The following IKBKB variants were observed in gnomAD, a reference collection of about 807,000 sequenced individuals.
The protein encoded by IKBKB is inhibitor of nuclear factor kappa-B kinase subunit beta.
Under a neutral mutation model 113.6 loss-of-function variants are expected in IKBKB, and 42 were observed. That is an observed-to-expected ratio of 0.37 (90% CI 0.29 to 0.48). The LOEUF is 0.48. IKBKB is among the 20% of genes least tolerant of loss of function. The pLI is 0.99. For synonymous variants in IKBKB, 296 were observed against 361.3 expected (o/e 0.82, Z 2.05); for missense variants, 673 against 939.7 (o/e 0.72, Z 3.71).
chr8:42,298,395 C>T (rs1814370075), intron 5 of IKBKB: 1 of 985,314 alleles, frequency 1.0e-6, no homozygotes, highest in Non-Finnish European at 1.2e-6. Context: ...CTGCTCCTAG[C>T]AGGCATCCAG....
chr8:42,316,695 T>C lies in IKBKB; in HGVS notation c.931-15T>C. 1 of 1,605,692 alleles carries C rather than the reference T, an allele frequency of 6.2e-7. No homozygotes were observed. Among genetic ancestry groups the C allele is most frequent in the South Asian group, 1.1e-5 (1 of 90,626 alleles). ...AAGAAATCGGTTTTCCAGTAACATC[T>C]GGGTTGTGTTGCAGCTGGTTCATAT... On this transcript the variant is annotated splice_polypyrimidine_tract_variant and intron_variant, in intron 10 of 21. Transcript: ENST00000520810. This position sits in a 1 kb window ranked among gnomAD's most constrained non-coding sequence, Gnocchi z 4.5.
intron 3 of IKBKB, 86 bp downstream of exon 3, chr8:42,288,814 T>C (rs1811965748): frequency 5.5e-6 from 6 of 1,099,196 alleles, no homozygotes; most frequent in South Asian, 1.4e-5. Context: ...GCTGGGTGCG[T>C]GGCTCACGCC....
chr8:42,307,561 T>G (rs1196362941), intron 7 of IKBKB, among the ~76,000 whole-genome samples: 1 of 152,156 alleles, frequency 6.6e-6, no homozygotes, highest in Non-Finnish European at 1.5e-5. Context: ...CCAGCAAGAC[T>G]TGTCATAGGT....
At chr8:42,275,048 T>G (rs1174798141) in intron 2 of IKBKB, among the ~76,000 whole-genome samples, 1 of 151,864 alleles carries the variant, frequency 6.6e-6, no homozygotes, top group Non-Finnish European at 1.5e-5. Context: ...GGCTAATTTT[T>G]GTATTTTTAG....
At chr8:42,274,233 T>C (rs762748575) in intron 2 of IKBKB, among the ~76,000 whole-genome samples, 6 of 152,128 alleles carry the variant, frequency 3.9e-5, no homozygotes, top group Admixed American at 6.6e-5. Flanking sequence ...TTTCACCATG[T>C]AGGCCATGCC....
intron 2 of IKBKB, among the ~76,000 whole-genome samples, chr8:42,279,819 C>G (rs576507266): frequency 1.3e-5 from 2 of 152,124 alleles, no homozygotes; most frequent in Non-Finnish European, 2.9e-5. Context: ...CTTTTTGAAG[C>G]AGGAAGGGGA....
At chr8:42,311,878 GT>G (rs1228287637) in intron 8 of IKBKB, among the ~76,000 whole-genome samples, 1 of 152,020 alleles carries the variant, frequency 6.6e-6, no homozygotes, top group Non-Finnish European at 1.5e-5. Flanking sequence ...TCTATAGTGG[GT>G]TTTTTTGTTT....
chr8:42,293,500 C>T lies in IKBKB; in HGVS notation c.376C>T (p.Leu126=). The stretch of plus-strand genomic sequence containing the variant: ...GCGGGAAGGTGCCATCCTCACCTTG[C>T]TGAGTGACATTGGTAAATCCCAGTC... ...GLREGAILTL[L]SDIASALRYL... Residue 126 remains leucine (L), a synonymous_variant, in exon 5 of 22, where the codon CTG becomes TTG. Coordinates refer to ENST00000520810, the MANE Select transcript of IKBKB (RefSeq NM_001556.3). 1 of 1,614,178 alleles carries T rather than the reference C, an allele frequency of 6.2e-7. No individual in the cohort carries two copies. Among genetic ancestry groups the T allele is most frequent in the South Asian group, 1.1e-5 (1 of 91,088 alleles).
At position 42,322,300 on chromosome 8, in the gene IKBKB, T is replaced by C. The variant is rs993717512; in HGVS notation, c.1839-47T>C. On this transcript the variant is annotated intron_variant, in intron 18 of 21. Transcript: ENST00000520810. Reference sequence around the variant, plus strand: ...GATGCACAGCTGCCACAGGTTCTGCTTTCTCCAGCCCAAATGCCATTAGTT... The same window carrying C: ...GATGCACAGCTGCCACAGGTTCTGCCTTCTCCAGCCCAAATGCCATTAGTT... 3 of 1,612,394 alleles carry C rather than the reference T, an allele frequency of 1.9e-6. 1 individual carries two copies. The highest frequency in any genetic ancestry group is 8.5e-7 in the Non-Finnish European group (1 of 1,178,896).
At position 42,301,353 on chromosome 8, in the gene IKBKB, C is replaced by T. The variant is rs201503906; in HGVS notation, c.389-3834C>T. Among the ~76,000 whole-genome samples, 3 of 152,162 alleles carry T rather than the reference C, an allele frequency of 2.0e-5. No homozygotes were observed. The East Asian group carries it at 5.8e-4, about 29-fold the overall frequency. ...AACTTCCAGATTCAACAGTATTTTT[C>T]TTCATCTCAATGTCTCATTTTTCAT... On this transcript the variant is annotated intron_variant, in intron 5 of 21. Transcript: ENST00000520810.
chr8:42,292,023 C>T (rs1389113858), intron 4 of IKBKB, among the ~76,000 whole-genome samples: 2 of 152,170 alleles, frequency 1.3e-5, no homozygotes, highest in Admixed American at 1.3e-4. Flanking sequence ...GAGTGGCTCT[C>T]CCTGGAGATA....
intron 19 of IKBKB, chr8:42,325,674 A>C: frequency 2.6e-6 from 3 of 1,138,246 alleles, no homozygotes; most frequent in Non-Finnish European, 3.3e-6. Context: ...CAAGACTCTC[A>C]ATCATAATCA....
At chr8:42,289,039 A>G (rs1444597566) in intron 3 of IKBKB, among the ~76,000 whole-genome samples, 3 of 151,968 alleles carry the variant, frequency 2.0e-5, no homozygotes, top group Non-Finnish European at 4.4e-5. Flanking sequence ...TGACAAGGAA[A>G]CCCCGTCTCT....
In IKBKB at chr8:42,321,807, A is replaced by G. The variant is rs1325260372; in HGVS notation, c.1689-89A>G. On this transcript the variant is annotated intron_variant, in intron 16 of 21. Transcript: ENST00000520810. ...CAGAAGTTCGAGACCAGCCTGGGCA[A>G]CATGGTGAAACTCTACCTCTACCAA... 23 of 894,296 alleles carry G rather than the reference A, an allele frequency of 2.6e-5. No homozygotes were observed. The East Asian group carries it at 5.9e-4, about 23-fold the overall frequency. The allele number at this position is 894,296 out of a possible 1,614,324, so 55.4% of individuals were successfully genotyped here.
Position 42,271,437 on chromosome 8 carries a change from A to AAG in IKBKB, c.-51_-50insAG. ...CAGCCCCGCCTTCCCCGCCCCGGGG[A>AAG]GCCCGCCCCCTGCCCCGCGTCCCTG... On this transcript the variant is annotated 5_prime_UTR_variant, in exon 1 of 22. An upstream open reading frame in the 5' UTR loses its in-frame stop. Coordinates refer to ENST00000520810, the MANE Select transcript of IKBKB (RefSeq NM_001556.3). The AAG allele has an allele frequency of 7.7e-6, 8 of 1,043,380 alleles. No individual in the cohort carries two copies. Among genetic ancestry groups the AAG allele is most frequent in the Non-Finnish European group, 1.1e-5 (8 of 750,342 alleles). The allele number at this position is 1,043,380 out of a possible 1,614,324, so 64.6% of individuals were successfully genotyped here.
chr8:42,319,300 C>G lies in IKBKB; in HGVS notation c.1395C>G (p.Leu465=), dbSNP rs1450584817. Residue 465 remains leucine (L), a synonymous_variant, in exon 14 of 22, where the codon CTC becomes CTG. Coordinates refer to ENST00000520810, the MANE Select transcript of IKBKB (RefSeq NM_001556.3). ...MMNLLRNNSC[L]SKMKNSMASM... ...ATCTCCTCCGAAACAACAGCTGCCT[C>G]TCCAAAATGAAGAATTCCATGGCTT... 2 of 1,614,144 alleles carry G rather than the reference C, an allele frequency of 1.2e-6. No homozygotes were observed. Among genetic ancestry groups the G allele is most frequent in the East Asian group, 4.5e-5 (2 of 44,876 alleles).
rs150799158 is a variant in IKBKB at position 42,319,328 on chromosome 8, A to G, written c.1423A>G (p.Met475Val). ...LSKMKNSMAS[M>V]SQQLKAKLDF... is the part of the protein sequence containing the mutation. ...CAAAATGAAGAATTCCATGGCTTCC[A>G]TGTCTCAGCAGCTCAAGGCCAAGTT... The change falls in exon 14 of 22, where the codon ATG (methionine) becomes GTG (valine). Residue 475 changes from methionine (M) to valine (V), a missense_variant. Met to Val is a conservative substitution (Grantham distance 21, BLOSUM62 1). Transcript: ENST00000520810. 7 of 1,614,038 alleles carry G rather than the reference A, an allele frequency of 4.3e-6. No homozygotes were observed. Among genetic ancestry groups the G allele is most frequent in the Non-Finnish European group, 5.9e-6 (7 of 1,180,016 alleles).
chr8:42,304,200 T>A (rs1408957526), intron 5 of IKBKB, among the ~76,000 whole-genome samples: 2 of 152,248 alleles, frequency 1.3e-5, no homozygotes, highest in African/African-American at 4.8e-5. Context: ...TCTGTTGAGC[T>A]CTCTAGGCTA....
Position 42,316,571 on chromosome 8 carries a change from A to G in IKBKB, c.931-139A>G. ...GATGCAAATATGCGAAACATGGCAC[A>G]TGACCTCCCTCCCTCAAGCTAGGCC... On this transcript the variant is annotated intron_variant, in intron 10 of 21. Coordinates refer to ENST00000520810, the MANE Select transcript of IKBKB (RefSeq NM_001556.3). The surrounding 1 kb of genome is among the most constrained non-coding windows in gnomAD (Gnocchi z 4.5). 3.3e-6 allele frequency: 3 copies of G among 915,226 alleles called. No individual in the cohort carries two copies. The highest frequency in any genetic ancestry group is 2.6e-5 in the East Asian group (1 of 37,870). 56.7% of individuals were successfully genotyped at this position (915,226 alleles called of 1,614,324 possible).
Sources: allele counts gnomAD v4.1 joint callset (sites outside exome capture counted in the v4.1 genomes callset), GRCh38; gene constraint gnomAD v4.1.1; non-coding constraint Gnocchi (gnomAD v3.1); transcripts MANE v1.5; gene names NCBI Gene and HGNC (gene_info 2026-07-23, HGNC 2026-07-21).